MAML3: variants seen among roughly 807,000 people sequenced by gnomAD.
MAML3 encodes mastermind like transcriptional coactivator 3.
In MAML3, 27 loss-of-function variants were observed where a neutral mutation model predicts 101.9. That is an observed-to-expected ratio of 0.27 (90% confidence interval 0.20 to 0.37). The LOEUF is 0.37. MAML3 is among the 10% of genes least tolerant of loss of function. The pLI, the probability that MAML3 is intolerant of heterozygous loss-of-function variation, is 1.00. For missense variants in MAML3, 1,316 were observed against 1,444.9 expected (o/e 0.91, Z 1.45); for synonymous variants, 501 against 555.9 (o/e 0.90, Z 1.39).
At chr4:140,114,611 T>A (rs1438801511) in intron 1 of MAML3, among the ~76,000 whole-genome samples, 1 of 152,242 alleles carries the variant, frequency 6.6e-6, no homozygotes, top group African/African-American at 2.4e-5. Context: ...GCCGGGTGTA[T>A]ACACGTATGT....
intron 1 of MAML3, among the ~76,000 whole-genome samples, chr4:140,103,303 T>C (rs1474660699): frequency 1.3e-5 from 2 of 152,216 alleles, no homozygotes; most frequent in Non-Finnish European, 2.9e-5. Flanking sequence ...AAGCAAGACA[T>C]GGTTTTTCTC....
At chr4:140,130,310 T>C (rs879684935) in intron 1 of MAML3, among the ~76,000 whole-genome samples, 5 of 152,206 alleles carry the variant, frequency 3.3e-5, no homozygotes, top group Admixed American at 2.0e-4. Flanking sequence ...TTTGCATATA[T>C]CGTGAGTCCT....
chr4:139,796,315 T>A (rs1315990234), intron 2 of MAML3, among the ~76,000 whole-genome samples: 1 of 152,224 alleles, frequency 6.6e-6, no homozygotes, highest in East Asian at 1.9e-4. Flanking sequence ...GACAAGGGTG[T>A]GTGGGGCCAA....
intron 2 of MAML3, among the ~76,000 whole-genome samples, chr4:139,820,507 G>T (rs1412922539): frequency 6.6e-6 from 1 of 152,110 alleles, no homozygotes; most frequent in Non-Finnish European, 1.5e-5. Flanking sequence ...TAGTTTACGG[G>T]AATGAAGACT....
At chr4:139,830,410 A>ATTTTTTT (rs1157293904) in intron 2 of MAML3, among the ~76,000 whole-genome samples, 1,321 of 121,234 alleles carry the variant, frequency 0.011, 71 homozygotes, top group African/African-American at 0.039. Context: ...ACGCTGTGCT[A>ATTTTTTT]TTTTTTTTTT....
intron 1 of MAML3, among the ~76,000 whole-genome samples, chr4:140,019,494 CAAAT>C (rs1726699554): frequency 6.6e-6 from 1 of 152,210 alleles, no homozygotes; most frequent in African/African-American, 2.4e-5. Context: ...AATGCATGAA[CAAAT>C]AGACTCTTAA....
intron 2 of MAML3, among the ~76,000 whole-genome samples, chr4:139,804,327 C>T (rs1205712642): frequency 2.6e-5 from 4 of 151,104 alleles, no homozygotes; most frequent in South Asian, 2.1e-4. Flanking sequence ...AGTGCAATGG[C>T]GTGATCTTGA....
intron 1 of MAML3, among the ~76,000 whole-genome samples, chr4:140,133,421 A>G (rs1287521098): frequency 6.6e-6 from 1 of 152,208 alleles, no homozygotes; most frequent in African/African-American, 2.4e-5. Flanking sequence ...AAAGATACTT[A>G]TAATTGAATC....
chr4:139,814,675 C>A (rs970976982), intron 2 of MAML3, among the ~76,000 whole-genome samples: 6 of 152,172 alleles, frequency 3.9e-5, no homozygotes, highest in African/African-American at 1.2e-4. Flanking sequence ...ACCCTCCCCC[C>A]ACCACCAAGA....
chr4:139,825,604 C>G (rs1035991296), intron 2 of MAML3, among the ~76,000 whole-genome samples: 4 of 152,184 alleles, frequency 2.6e-5, no homozygotes, highest in African/African-American at 9.6e-5. Flanking sequence ...TGGGTGGTAG[C>G]TTCCTCCTGC....
Position 140,153,229 on chromosome 4 carries a change from C to G in MAML3, c.99G>C (p.Val33=), listed in dbSNP as rs1020618862. ...NSSLGGAGIG[V]NNTPNSTPAA... ...CGGGAGTACTATTGGGAGTATTATT[C>G]ACACCGATCCCGGCCCCGCCGAGGC... is the stretch of plus-strand genomic sequence containing the variant. Residue 33 remains valine, a synonymous_variant, in exon 1 of 5, where the codon GTG becomes GTC. Transcript: ENST00000509479. 1.3e-6 allele frequency: 2 copies of G among 1,579,850 alleles called. No individual in the cohort carries two copies. Among genetic ancestry groups the G allele is most frequent in the Non-Finnish European group, 1.7e-6 (2 of 1,161,930 alleles).
intron 2 of MAML3, among the ~76,000 whole-genome samples, chr4:139,806,887 A>C (rs952538586): frequency 6.6e-6 from 1 of 152,228 alleles, no homozygotes; most frequent in African/African-American, 2.4e-5. Flanking sequence ...ATATGCATAG[A>C]AATTAACTAG....
At chr4:140,055,305 T>C (rs1727333492) in intron 1 of MAML3, among the ~76,000 whole-genome samples, 1 of 152,224 alleles carries the variant, frequency 6.6e-6, no homozygotes, top group African/African-American at 2.4e-5. Flanking sequence ...TATTAATTAG[T>C]TTGTTTTAAG....
chr4:140,044,510 G>A (rs776404027), intron 1 of MAML3, among the ~76,000 whole-genome samples: 7 of 152,254 alleles, frequency 4.6e-5, no homozygotes, highest in Middle Eastern at 3.4e-3. Flanking sequence ...GCAAGAGTCC[G>A]TTTCATCCCA....
intron 2 of MAML3, among the ~76,000 whole-genome samples, chr4:139,753,368 C>CTATG (rs1729564241): frequency 6.6e-6 from 1 of 151,640 alleles, no homozygotes; most frequent in Admixed American, 6.6e-5. Flanking sequence ...ATCTATCTAT[C>CTATG]TATCTATCTA....
chr4:139,730,410 T>C lies in MAML3; in HGVS notation c.2331+6A>G, dbSNP rs1038045405. 45 of 1,544,358 alleles carry C rather than the reference T, an allele frequency of 2.9e-5. No individual in the cohort carries two copies. The highest frequency in any genetic ancestry group is 4.2e-5 in the African/African-American group (3 of 71,002). ...AATGAATGAATCACGCCAAGGGGCA[T>C]GTTACCTGTTCCGCCAAAATCTGCT... is the stretch of plus-strand genomic sequence containing the variant. On this transcript the variant is annotated splice_donor_region_variant and intron_variant, in intron 3 of 4. Transcript: ENST00000509479.
In MAML3 at chr4:139,890,303, G is replaced by T. The variant is rs1272598256; in HGVS notation, c.1133C>A (p.Pro378His). Residue 378 changes from proline (P) to histidine (H), a missense_variant, in exon 2 of 5, where the codon CCT (proline) becomes CAT (histidine). Physicochemically the swap from Pro to His is moderately conservative, Grantham distance 77. Coordinates refer to ENST00000509479, the MANE Select transcript of MAML3 (RefSeq NM_018717.5). This position sits in a 1 kb window ranked among gnomAD's most constrained non-coding sequence, Gnocchi z 4.1. ...AGAAAAGGGAGGACCAGAAGAAGAA[G>T]GCCTCGCCTGGGGAGATCCCATGGA... ...HVSMGSPQARPSSSGPPFSTV... is the reference protein window; with the variant it reads ...HVSMGSPQARHSSSGPPFSTV... 4 of 1,613,670 alleles carry T rather than the reference G, an allele frequency of 2.5e-6. No homozygotes were observed. Among genetic ancestry groups the T allele is most frequent in the Non-Finnish European group, 3.4e-6 (4 of 1,179,736 alleles).
intron 2 of MAML3, among the ~76,000 whole-genome samples, chr4:139,774,283 T>C (rs2111071765): frequency 6.6e-6 from 1 of 152,360 alleles, no homozygotes; most frequent in South Asian, 2.1e-4. Context: ...TTTATTTAAC[T>C]GGGCGATACT....
chr4:139,781,030 C>G (rs747057681), intron 2 of MAML3, among the ~76,000 whole-genome samples: 2 of 152,276 alleles, frequency 1.3e-5, no homozygotes, highest in Middle Eastern at 6.8e-3. Flanking sequence ...TGTTAGAATG[C>G]TCAGCACTCA....
Sources: gnomAD v4.1 joint callset for allele counts (sites outside exome capture counted in the v4.1 genomes callset) on GRCh38, gnomAD v4.1.1 for gene constraint, Gnocchi (gnomAD v3.1) non-coding constraint, MANE v1.5 for transcripts, NCBI Gene and HGNC (gene_info 2026-07-23, HGNC 2026-07-21) for gene names.